PVT1: variants seen among roughly 807,000 people sequenced by gnomAD.
PVT1 encodes the protein CXCR4/PVT1 fusion.
chr8:127,925,022 C>A (rs1277688524), intron 3 of PVT1, among the ~76,000 whole-genome samples: 2 of 152,128 alleles, frequency 1.3e-5, no homozygotes, highest in Non-Finnish European at 2.9e-5. Context: ...TTTTGATCAC[C>A]CCAAAAAGAA....
At chr8:127,798,631 G>A (rs970212298) in intron 2 of PVT1, among the ~76,000 whole-genome samples, 11 of 149,600 alleles carry the variant, frequency 7.4e-5, no homozygotes, top group Admixed American at 2.0e-4. Context: ...GGCTGAGGCC[G>A]GTAGATTACC....
chr8:127,892,937 C>A (rs1419743033), intron 3 of PVT1, among the ~76,000 whole-genome samples: 1 of 152,190 alleles, frequency 6.6e-6, no homozygotes, highest in Non-Finnish European at 1.5e-5. Flanking sequence ...ATCGTGGTGG[C>A]AGCTGTGCCT....
At chr8:128,046,358 CA>C (rs571561806) in intron 4 of PVT1, among the ~76,000 whole-genome samples, 29 of 152,316 alleles carry the variant, frequency 1.9e-4, no homozygotes, top group African/African-American at 7.0e-4. Context: ...GAAAACTGTC[CA>C]CGGGGTCGGT....
chr8:127,949,890 G>A (rs975207933), intron 3 of PVT1, among the ~76,000 whole-genome samples: 7 of 152,214 alleles, frequency 4.6e-5, no homozygotes, highest in East Asian at 1.9e-4. Context: ...GGCCCAAGCC[G>A]GCCCTGCCCA....
chr8:127,844,209 C>T (rs193247136), intron 2 of PVT1, among the ~76,000 whole-genome samples: 2 of 152,188 alleles, frequency 1.3e-5, no homozygotes, highest in African/African-American at 4.8e-5. Context: ...TGGTCTTGAT[C>T]TCCTGGCATG....
At chr8:127,924,800 C>T (rs1446959856) in intron 3 of PVT1, among the ~76,000 whole-genome samples, 3 of 151,976 alleles carry the variant, frequency 2.0e-5, no homozygotes, top group South Asian at 2.1e-4. Context: ...TGTGAACCAC[C>T]GCACCAGACC....
intron 2 of PVT1, among the ~76,000 whole-genome samples, chr8:127,829,471 G>A (rs1415191722): frequency 6.6e-6 from 1 of 152,194 alleles, no homozygotes; most frequent in Non-Finnish European, 1.5e-5. Flanking sequence ...CAACCCAAGA[G>A]CGTCAGAGGT....
At chr8:127,934,630 C>T (rs1406927341) in intron 3 of PVT1, among the ~76,000 whole-genome samples, 1 of 151,570 alleles carries the variant, frequency 6.6e-6, no homozygotes, top group Non-Finnish European at 1.5e-5. Context: ...CAAACTGACT[C>T]CTTCATGGCA....
intron 3 of PVT1, among the ~76,000 whole-genome samples, chr8:127,969,528 C>T (rs912548795): frequency 2.0e-5 from 3 of 152,158 alleles, no homozygotes; most frequent in African/African-American, 7.2e-5. Flanking sequence ...CTCGAGTCAT[C>T]CTCAGATTGG....
chr8:128,076,153 GC>G (rs904310573), intron 5 of PVT1, among the ~76,000 whole-genome samples: 1 of 152,138 alleles, frequency 6.6e-6, no homozygotes, highest in Non-Finnish European at 1.5e-5. Context: ...TGTCTGCTCT[GC>G]CCACAGCCAG....
chr8:127,973,052 C>G (rs1387860798), intron 3 of PVT1, among the ~76,000 whole-genome samples: 4 of 152,122 alleles, frequency 2.6e-5, no homozygotes, highest in African/African-American at 9.7e-5. Context: ...CCACAATGTC[C>G]AGTTAAGTTT....
At chr8:127,944,676 C>T (rs1012165761) in intron 3 of PVT1, among the ~76,000 whole-genome samples, 1 of 152,050 alleles carries the variant, frequency 6.6e-6, no homozygotes, top group African/African-American at 2.4e-5. Context: ...CAGCTGATAC[C>T]GAGGAGGAGG....
chr8:127,927,720 A>G (rs1164907302), intron 3 of PVT1, among the ~76,000 whole-genome samples: 1 of 152,154 alleles, frequency 6.6e-6, no homozygotes, highest in African/African-American at 2.4e-5. Context: ...TGACTGTACC[A>G]TCCTGAAAGT....
intron 2 of PVT1, among the ~76,000 whole-genome samples, chr8:127,862,370 T>C (rs1178788373): frequency 2.0e-5 from 3 of 151,732 alleles, no homozygotes; most frequent in Non-Finnish European, 4.4e-5. Flanking sequence ...ATCATACCAC[T>C]GCACTCCAGC....
At chr8:127,828,289 G>A (rs1167996222) in intron 2 of PVT1, among the ~76,000 whole-genome samples, 2 of 152,188 alleles carry the variant, frequency 1.3e-5, no homozygotes, top group African/African-American at 4.8e-5. Context: ...GAGGCCCAGA[G>A]TGGATGTGAC....
At chr8:127,868,810 T>TATATACGTATATATATGTATATAC (rs1815320544) in intron 2 of PVT1, among the ~76,000 whole-genome samples, 3 of 36,642 alleles carry the variant, frequency 8.2e-5, no homozygotes, top group African/African-American at 1.5e-4. Flanking sequence ...TATGTACATA[T>TATATACGTATATATATGTATATAC]ATATATATAT....
chr8:128,016,672 C>G (rs1389621964), intron 4 of PVT1, among the ~76,000 whole-genome samples: 2 of 152,238 alleles, frequency 1.3e-5, no homozygotes, highest in Non-Finnish European at 2.9e-5. Flanking sequence ...CACCACACAA[C>G]TGGTGCTGTG....
intron 2 of PVT1, among the ~76,000 whole-genome samples, chr8:127,839,192 C>T (rs773257972): frequency 2.0e-5 from 3 of 152,134 alleles, no homozygotes; most frequent in Non-Finnish European, 2.9e-5. Flanking sequence ...ATCATCACCC[C>T]ATTTTACAGA....
At chr8:127,964,183 A>G (rs1816678999) in intron 3 of PVT1, among the ~76,000 whole-genome samples, 1 of 152,258 alleles carries the variant, frequency 6.6e-6, no homozygotes, top group Non-Finnish European at 1.5e-5. Flanking sequence ...GAGGAGCAGC[A>G]TCTGCTGGGA....
Sources: allele counts gnomAD v4.1 joint callset (sites outside exome capture counted in the v4.1 genomes callset), GRCh38; gene constraint gnomAD v4.1.1; transcripts MANE v1.5; gene names NCBI Gene and HGNC (gene_info 2026-07-23, HGNC 2026-07-21).